ABR: variants seen among roughly 807,000 people sequenced by gnomAD.
ABR encodes ABR activator of RhoGEF and GTPase, also known as active breakpoint cluster region-related protein.
ABR carries 35 observed loss-of-function variants against 107.2 expected under a neutral mutation model. That is an observed-to-expected ratio of 0.33 (90% confidence interval 0.25 to 0.43). The LOEUF is 0.43. ABR is among the 20% of genes least tolerant of loss of function. The pLI is 1.00. For missense variants in ABR, 815 were observed against 1,115.2 expected (o/e 0.73, Z 3.83); for synonymous variants, 498 against 462.0 (o/e 1.08, Z -1.00).
chr17:1,104,023 G>T (rs1299457912), intron 2 of ABR, among the ~76,000 whole-genome samples: 1 of 152,064 alleles, frequency 6.6e-6, no homozygotes, highest in African/African-American at 2.4e-5. Context: ...CGGGAGCCAG[G>T]CACTGGGAAT....
chr17:1,050,667 G>T lies in ABR; in HGVS notation c.1562-33C>A. Reference sequence around the variant, plus strand: ...GGAAGGACAGACGGAGATACTGAGTGAGTGGGGCCAGGGTGGGGCAGCTGG... The same window carrying T: ...GGAAGGACAGACGGAGATACTGAGTTAGTGGGGCCAGGGTGGGGCAGCTGG... On this transcript the variant is annotated intron_variant, in intron 14 of 22. Transcript: ENST00000302538. This position sits in a 1 kb window ranked among gnomAD's most constrained non-coding sequence, Gnocchi z 4.6. 6.3e-7 allele frequency: 1 copy of T among 1,586,658 alleles called. No individual in the cohort carries two copies. Among genetic ancestry groups the T allele is most frequent in the Non-Finnish European group, 8.7e-7 (1 of 1,155,798 alleles).
intron 5 of ABR, among the ~76,000 whole-genome samples, chr17:1,081,573 C>T (rs540266676): frequency 1.3e-5 from 2 of 152,260 alleles, no homozygotes; most frequent in Admixed American, 1.3e-4. Context: ...CTGCAAGGGA[C>T]TCAATAGATA....
At chr17:1,109,172 C>T in intron 2 of ABR, 4 of 1,374,552 alleles carry the variant, frequency 2.9e-6, no homozygotes, top group South Asian at 3.0e-5. Flanking sequence ...CAGGTCTACA[C>T]CCGCGCGCCC....
chr17:1,098,244 T>G (rs944489413), intron 3 of ABR, among the ~76,000 whole-genome samples: 3 of 151,932 alleles, frequency 2.0e-5, no homozygotes, highest in African/African-American at 7.3e-5. Context: ...GGCTAATTTT[T>G]TTTGTACTTT....
chr17:1,135,095 C>A (rs1035853630), intron 1 of ABR, among the ~76,000 whole-genome samples: 1 of 152,068 alleles, frequency 6.6e-6, no homozygotes, highest in Non-Finnish European at 1.5e-5. Flanking sequence ...GAGTTTCAGG[C>A]GGTGAGAGGA....
intron 2 of ABR, among the ~76,000 whole-genome samples, chr17:1,119,651 C>G (rs2151433411): frequency 6.6e-6 from 1 of 152,286 alleles, no homozygotes; most frequent in East Asian, 1.9e-4. Flanking sequence ...CACTGGGGTC[C>G]ACAGAGATGA....
At chr17:1,214,459 A>G (rs1322437660) in intron 1 of ABR, among the ~76,000 whole-genome samples, 1 of 152,204 alleles carries the variant, frequency 6.6e-6, no homozygotes, top group Non-Finnish European at 1.5e-5. Context: ...TCTACAGTTA[A>G]TAGCAATTTA....
In ABR at chr17:1,135,319, G is replaced by A. The variant is rs932684629; in HGVS notation, c.62-9952C>T. Among the ~76,000 whole-genome samples the A allele has an allele frequency of 5.3e-5, 8 of 152,182 alleles. No homozygotes were observed. In the East Asian group the frequency reaches 9.6e-4, roughly 18 times the overall value. The stretch of plus-strand genomic sequence containing the variant: ...GGCCCATGATCCTCTGCAGGCTCTT[G>A]CCGGCCACATCATTGCTGAATATTG... On this transcript the variant is annotated intron_variant, in intron 1 of 22. Coordinates refer to ENST00000302538, the MANE Select transcript of ABR (RefSeq NM_021962.5).
At chr17:1,137,175 C>G (rs1263635263) in intron 1 of ABR, among the ~76,000 whole-genome samples, 1 of 152,082 alleles carries the variant, frequency 6.6e-6, no homozygotes, top group Non-Finnish European at 1.5e-5. Context: ...TCCTGAGTAG[C>G]TGGAATTACA....
intron 11 of ABR, 127 bp from the exon 12 acceptor site, chr17:1,058,172 T>C: frequency 2.0e-6 from 1 of 498,794 alleles, no homozygotes. Context: ...AGAGTCTCGC[T>C]CTTGTTGCCC....
rs573683305 is a variant in ABR, at chr17:1,225,923, T to C, written c.838+2870A>G. ...TCAGAAACATGGTTTAATTCCGTGT[T>C]TTCAAACCTTTTTGTTCATCTCACA... On this transcript the variant is annotated intron_variant, in intron 1 of 22. Transcript: ENST00000574139. Among the ~76,000 whole-genome samples the C allele has an allele frequency of 3.3e-5, 5 of 152,286 alleles. No homozygotes were observed. The East Asian group carries it at 9.6e-4, about 29-fold the overall frequency.
At chr17:1,091,205 C>A (rs2037000708) in intron 4 of ABR, among the ~76,000 whole-genome samples, 1 of 152,148 alleles carries the variant, frequency 6.6e-6, no homozygotes, top group African/African-American at 2.4e-5. Flanking sequence ...CGGCATGTGC[C>A]CCTCTGTTCA....
Position 1,148,885 on chromosome 17 carries a change from T to C in ABR, c.62-23518A>G, listed in dbSNP as rs756144552. Among the ~76,000 whole-genome samples, 13 of 152,110 alleles carry C rather than the reference T, an allele frequency of 8.5e-5. No homozygotes were observed. Among genetic ancestry groups the C allele is most frequent in the Non-Finnish European group, 1.8e-4 (12 of 68,044 alleles). ...TAGGCATGTGTATTTTGCCATGATT[T>C]TCTTTTGTTTTTTGTTTTTGTTTTT... On this transcript the variant is annotated intron_variant, in intron 1 of 22. Transcript: ENST00000302538. The surrounding 1 kb of genome is among the most constrained non-coding windows in gnomAD (Gnocchi z 4.9).
rs529531063 is a variant in ABR at position 1,046,538 on chromosome 17, C to T, written c.1791+3512G>A. Reference sequence around the variant, plus strand: ...CCCACCTCGGCCTCCTGCTCTTTCCCGCACGTGCTCCTCTCCTTCCTCCCA... The same window carrying T: ...CCCACCTCGGCCTCCTGCTCTTTCCTGCACGTGCTCCTCTCCTTCCTCCCA... On this transcript the variant is annotated intron_variant, in intron 16 of 22. Transcript: ENST00000302538. Among the ~76,000 whole-genome samples the T allele has an allele frequency of 3.3e-5, 5 of 152,312 alleles. No individual in the cohort carries two copies. In the South Asian group the frequency reaches 6.2e-4, roughly 19 times the overall value.
rs190248807 is a variant in ABR, at chr17:1,200,263, G to T, written c.838+28530C>A. On this transcript the variant is annotated intron_variant, in intron 1 of 22. Transcript: ENST00000574139. This position sits in a 1 kb window ranked among gnomAD's most constrained non-coding sequence, Gnocchi z 4.1. ...TAGAGATAAGTTAAAGTACACGGGG[G>T]TCGGGGGCAGGCATGGTGACTCACG... 2.8e-4 allele frequency among the ~76,000 whole-genome samples: 43 copies of T among 152,180 alleles called. No individual in the cohort carries two copies. Among genetic ancestry groups the T allele is most frequent in the Non-Finnish European group, 5.9e-4 (40 of 68,022 alleles).
intron 1 of ABR, among the ~76,000 whole-genome samples, chr17:1,224,850 T>G (rs1403897082): frequency 1.3e-5 from 2 of 152,072 alleles, no homozygotes; most frequent in African/African-American, 4.8e-5. Flanking sequence ...GATTCTTTTT[T>G]TCTTAGAAAT....
chr17:1,218,512 C>T (rs1347459382), intron 1 of ABR, among the ~76,000 whole-genome samples: 3 of 152,280 alleles, frequency 2.0e-5, no homozygotes, highest in South Asian at 2.1e-4. Flanking sequence ...AGCTGTGTTC[C>T]AATCCTGGCT....
chr17:1,115,862 A>C (rs1307497860), intron 2 of ABR, among the ~76,000 whole-genome samples: 1 of 148,578 alleles, frequency 6.7e-6, no homozygotes, highest in Non-Finnish European at 1.5e-5. Flanking sequence ...GGGAGGCGGA[A>C]GCTGCAGTGA....
chr17:1,080,612 G>A lies in ABR; in HGVS notation c.640-1222C>T, dbSNP rs552869635. 2.0e-5 allele frequency among the ~76,000 whole-genome samples: 3 copies of A among 151,984 alleles called. No individual in the cohort carries two copies. In the South Asian group the frequency reaches 6.2e-4, roughly 32 times the overall value. On this transcript the variant is annotated intron_variant, in intron 5 of 22. Transcript: ENST00000302538. Reference sequence around the variant, plus strand: ...CCAAGGTCAGCTGCCCAGGTGATGAGGCCAAGGTCAGCTGCCGAGGTGATG... The same window carrying A: ...CCAAGGTCAGCTGCCCAGGTGATGAAGCCAAGGTCAGCTGCCGAGGTGATG...
Sources: gnomAD v4.1 joint callset for allele counts (sites outside exome capture counted in the v4.1 genomes callset) on GRCh38, gnomAD v4.1.1 for gene constraint, Gnocchi (gnomAD v3.1) non-coding constraint, MANE v1.5 for transcripts, NCBI Gene and HGNC (gene_info 2026-07-23, HGNC 2026-07-21) for gene names.